DPP6: variants seen among roughly 807,000 people sequenced by gnomAD.
The protein encoded by DPP6 is A-type potassium channel modulatory protein DPP6.
In DPP6, 69 loss-of-function variants were observed where a neutral mutation model predicts 122.6. The observed-to-expected ratio is 0.56, with a 90% CI of 0.46 to 0.69. The LOEUF (loss-of-function observed/expected upper bound fraction) is 0.69. Ranked by LOEUF, DPP6 falls within the 30% of genes least tolerant of loss-of-function variation. DPP6 has a pLI of 0.00. For missense variants in DPP6, 928 were observed against 1,116.9 expected, an observed-to-expected ratio of 0.83 and a Z score of 2.41; for synonymous variants, 418 against 433.1, an observed-to-expected ratio of 0.97 and a Z score of 0.43.
chr7:153,764,190 C>T, the DPP6 span, among the ~76,000 whole-genome samples: 2 of 152,178 alleles, frequency 1.3e-5, no homozygotes, highest in Admixed American at 6.5e-5. Context: ...AGGATTCATT[C>T]AGAGAGAAAC....
At chr7:154,853,439 C>T (rs1278957839) in intron 16 of DPP6, among the ~76,000 whole-genome samples, 1 of 152,190 alleles carries the variant, frequency 6.6e-6, no homozygotes, top group Admixed American at 6.5e-5. Flanking sequence ...ATAAAGCCAT[C>T]CTGGAATGTG....
chr7:154,005,869 G>T (rs2129047269), intron 1 of DPP6, among the ~76,000 whole-genome samples: 1 of 152,262 alleles, frequency 6.6e-6, no homozygotes, highest in African/African-American at 2.4e-5. Flanking sequence ...GGCGGCTATG[G>T]AGATCCTGCG....
intron 5 of DPP6, among the ~76,000 whole-genome samples, chr7:154,572,518 T>C (rs920067252): frequency 1.2e-4 from 6 of 49,180 alleles, no homozygotes; most frequent in Admixed American, 3.3e-4. Flanking sequence ...TTCTTTTTTT[T>C]TTTTTTTTTT....
At chr7:154,153,782 G>A (rs1361341846) in intron 1 of DPP6, among the ~76,000 whole-genome samples, 1 of 152,206 alleles carries the variant, frequency 6.6e-6, no homozygotes, top group Non-Finnish European at 1.5e-5. Flanking sequence ...AGATGAACGG[G>A]TGTGACTGTG....
intron 1 of DPP6, among the ~76,000 whole-genome samples, chr7:154,242,810 G>C (rs185386028): frequency 2.2e-4 from 33 of 152,320 alleles, no homozygotes; most frequent in Non-Finnish European, 4.4e-4. Context: ...CTGGTTTTTG[G>C]CTGAAGGCTG....
chr7:153,780,618 T>C, the DPP6 span, among the ~76,000 whole-genome samples: 1 of 152,132 alleles, frequency 6.6e-6, no homozygotes. Context: ...ATGGGATAAG[T>C]ATTGTGATTG....
intron 16 of DPP6, among the ~76,000 whole-genome samples, chr7:154,839,507 T>G (rs1177688350): frequency 2.6e-5 from 4 of 152,224 alleles, no homozygotes; most frequent in African/African-American, 7.2e-5. Flanking sequence ...TAGCGCCTCT[T>G]GCCTGGGGCT....
the DPP6 span, among the ~76,000 whole-genome samples, chr7:153,802,468 T>C: frequency 6.6e-6 from 1 of 152,222 alleles, no homozygotes; most frequent in African/African-American, 2.4e-5. Flanking sequence ...ATTCCAGAAA[T>C]TTGAGAGATG....
At chr7:154,526,155 G>A (rs938347826) in intron 3 of DPP6, among the ~76,000 whole-genome samples, 2 of 152,040 alleles carry the variant, frequency 1.3e-5, no homozygotes, top group African/African-American at 2.4e-5. Flanking sequence ...GTGACATTTG[G>A]GTTATGCTGG....
intron 8 of DPP6, among the ~76,000 whole-genome samples, chr7:154,746,261 T>G (rs1231370800): frequency 6.6e-6 from 1 of 152,072 alleles, no homozygotes. Flanking sequence ...CTTAGAAGAT[T>G]TAGGATTTCC....
intron 6 of DPP6, among the ~76,000 whole-genome samples, chr7:154,653,947 A>G (rs1157923411): frequency 6.8e-6 from 1 of 147,556 alleles, no homozygotes; most frequent in Non-Finnish European, 1.5e-5. Context: ...CTGGAGATTC[A>G]AGCAACCTCC....
At chr7:154,852,984 G>T (rs1802531098) in intron 16 of DPP6, among the ~76,000 whole-genome samples, 1 of 152,212 alleles carries the variant, frequency 6.6e-6, no homozygotes, top group Non-Finnish European at 1.5e-5. Context: ...CATGCCTCCA[G>T]CCCTGCAGGA....
At chr7:154,414,741 G>A (rs1816876695) in intron 1 of DPP6, among the ~76,000 whole-genome samples, 1 of 152,212 alleles carries the variant, frequency 6.6e-6, no homozygotes, top group African/African-American at 2.4e-5. Context: ...GATAGGGCTG[G>A]AGGAGCCTCC....
rs554806282 is a variant in DPP6, at chr7:154,759,492, G to A, written c.884-9925G>A. Among the ~76,000 whole-genome samples the A allele has an allele frequency of 5.3e-5, 8 of 152,314 alleles. No individual in the cohort carries two copies. The South Asian group carries it at 1.0e-3, about 20-fold the overall frequency. On this transcript the variant is annotated intron_variant, in intron 8 of 25. Transcript: ENST00000377770. ...GGGACCACCCACGGGCTGGACTCTC[G>A]AGGCCAGGCAGAGGCCACTGTGCGG...
chr7:154,714,212 G>A (rs1841352375), intron 7 of DPP6, among the ~76,000 whole-genome samples: 1 of 152,140 alleles, frequency 6.6e-6, no homozygotes, highest in Non-Finnish European at 1.5e-5. Flanking sequence ...TGTCTTCTGA[G>A]CCCTCTAATC....
At chr7:153,770,039 G>C in the DPP6 span, among the ~76,000 whole-genome samples, 39 of 152,270 alleles carry the variant, frequency 2.6e-4, no homozygotes, top group African/African-American at 9.4e-4. Context: ...AGCCTGGGAA[G>C]AGTGCAGAGA....
intron 1 of DPP6, among the ~76,000 whole-genome samples, chr7:153,964,803 TTTCCTTTCCTTTCCTTTCC>T (rs1485381968): frequency 0.025 from 1,267 of 50,366 alleles, 159 homozygotes; most frequent in African/African-American, 0.13. Flanking sequence ...TTTCCTTTCC[TTTCCTTTCCTTTCCTTTCC>T]TTTCCTTTTC....
intron 2 of DPP6, among the ~76,000 whole-genome samples, chr7:154,471,391 C>T (rs1822261548): frequency 6.6e-6 from 1 of 152,086 alleles, no homozygotes; most frequent in Non-Finnish European, 1.5e-5. Flanking sequence ...GGCCAAATTT[C>T]CATCATCCTC....
intron 1 of DPP6, among the ~76,000 whole-genome samples, chr7:154,047,000 T>A (rs1800047809): frequency 6.6e-6 from 1 of 151,214 alleles, no homozygotes; most frequent in Non-Finnish European, 1.5e-5. Context: ...CTGGCTCTGT[T>A]TGTTTTGCTG....
Sources: allele counts gnomAD v4.1 joint callset (sites outside exome capture counted in the v4.1 genomes callset), GRCh38; gene constraint gnomAD v4.1.1; transcripts MANE v1.5; gene names NCBI Gene and HGNC (gene_info 2026-07-23, HGNC 2026-07-21).